Variants in CDH13 observed in about 807,000 individuals in gnomAD.
The protein encoded by CDH13 is cadherin-13.
Under a neutral mutation model 63.8 loss-of-function variants are expected in CDH13, and 24 were observed. That is an observed-to-expected ratio of 0.38 (90% confidence interval 0.27 to 0.53). The LOEUF is 0.53. CDH13 is among the 20% of genes least tolerant of loss of function. CDH13 has a pLI of 0.85. For synonymous variants in CDH13, 503 were observed against 355.3 expected, an observed-to-expected ratio of 1.42 and a Z score of -4.67; for missense variants, 1,049 against 903.1, an observed-to-expected ratio of 1.16 and a Z score of -2.07.
rs559000806 is a variant in CDH13 at position 83,406,003 on chromosome 16, G to A, written c.781+60997G>A. Among the ~76,000 whole-genome samples, 5 of 152,302 alleles carry A rather than the reference G, an allele frequency of 3.3e-5. No homozygotes were observed. In the East Asian group the frequency reaches 5.8e-4, roughly 18 times the overall value. On this transcript the variant is annotated intron_variant, in intron 6 of 13. Coordinates refer to ENST00000567109, the MANE Select transcript of CDH13 (RefSeq NM_001257.5). ...TGGATCTCGGCTGCAGCTGCATTGG[G>A]CACTCCCACCTTCTTCCAGCAGCTT... is the stretch of plus-strand genomic sequence containing the variant.
chr16:83,452,151 A>C (rs1029947405), intron 6 of CDH13, among the ~76,000 whole-genome samples: 7 of 152,174 alleles, frequency 4.6e-5, no homozygotes, highest in African/African-American at 1.7e-4. Context: ...TAATCTCAAG[A>C]CTGGAGAGAG....
chr16:83,251,669 G>A (rs1461028331), intron 5 of CDH13, among the ~76,000 whole-genome samples: 2 of 152,210 alleles, frequency 1.3e-5, no homozygotes, highest in Non-Finnish European at 2.9e-5. Flanking sequence ...CATTGGCGTA[G>A]GCCTTCGTTG....
Position 83,746,052 on chromosome 16 carries a change from A to G in CDH13, c.1539-2056A>G, listed in dbSNP as rs543282935. ...GCGTAGCTGTTGGTTTGTGCCTCAGAGTCCTCATCTGTAAGTGGGGATATT... is the reference window on the plus strand; with the variant it reads ...GCGTAGCTGTTGGTTTGTGCCTCAGGGTCCTCATCTGTAAGTGGGGATATT... On this transcript the variant is annotated intron_variant, in intron 10 of 13. Coordinates refer to ENST00000567109, the MANE Select transcript of CDH13 (RefSeq NM_001257.5). Among the ~76,000 whole-genome samples the G allele has an allele frequency of 3.3e-5, 5 of 152,326 alleles. No individual in the cohort carries two copies. In the South Asian group the frequency reaches 6.2e-4, roughly 19 times the overall value.
intron 5 of CDH13, among the ~76,000 whole-genome samples, chr16:83,311,501 G>C (rs1281058328): frequency 1.3e-5 from 2 of 152,130 alleles, no homozygotes; most frequent in Non-Finnish European, 2.9e-5. Context: ...TACTGAATCT[G>C]CATGTGGATT....
At chr16:83,411,587 C>G (rs1458168168) in intron 6 of CDH13, among the ~76,000 whole-genome samples, 2 of 152,168 alleles carry the variant, frequency 1.3e-5, no homozygotes, top group African/African-American at 4.8e-5. Flanking sequence ...ATTCATTTGG[C>G]ACACAGCACA....
At chr16:83,327,178 A>C (rs79131725) in intron 5 of CDH13, among the ~76,000 whole-genome samples, 1 of 152,164 alleles carries the variant, frequency 6.6e-6, no homozygotes, top group Non-Finnish European at 1.5e-5. Flanking sequence ...CTTCATTTAC[A>C]TATGCTTATT....
At chr16:83,519,039 T>A (rs2074767936) in intron 7 of CDH13, among the ~76,000 whole-genome samples, 1 of 152,208 alleles carries the variant, frequency 6.6e-6, no homozygotes, top group Non-Finnish European at 1.5e-5. Flanking sequence ...CCTAGGCACC[T>A]GGTTCTCAGA....
intron 4 of CDH13, among the ~76,000 whole-genome samples, chr16:83,195,292 T>C (rs1465559901): frequency 6.6e-6 from 1 of 152,234 alleles, no homozygotes; most frequent in Non-Finnish European, 1.5e-5. Context: ...ATGTGTATTA[T>C]AGTCTGTTCT....
intron 10 of CDH13, among the ~76,000 whole-genome samples, chr16:83,743,518 C>T (rs1253903210): frequency 6.6e-6 from 1 of 151,810 alleles, no homozygotes; most frequent in Non-Finnish European, 1.5e-5. Flanking sequence ...CATCATGGGA[C>T]AAAAAAGGAA....
intron 1 of CDH13, among the ~76,000 whole-genome samples, chr16:82,674,507 A>C (rs980896131): frequency 6.6e-6 from 1 of 152,350 alleles, no homozygotes; most frequent in African/African-American, 2.4e-5. Flanking sequence ...TCAGTTAACC[A>C]CAGCAGGGGC....
At chr16:82,954,239 C>A (rs911792539) in intron 2 of CDH13, 2 of 152,156 alleles carry the variant, frequency 1.3e-5, no homozygotes, top group Middle Eastern at 6.7e-3. Context: ...ATTGCTCTTC[C>A]GACTCCTGTT....
chr16:82,834,612 G>C (rs1235669388), intron 1 of CDH13, among the ~76,000 whole-genome samples: 3 of 152,226 alleles, frequency 2.0e-5, no homozygotes, highest in Non-Finnish European at 4.4e-5. Context: ...CCTCTTAGCA[G>C]CTGACCAGCT....
At chr16:82,699,676 A>G (rs1036488817) in intron 1 of CDH13, among the ~76,000 whole-genome samples, 4 of 152,212 alleles carry the variant, frequency 2.6e-5, no homozygotes, top group African/African-American at 9.7e-5. Flanking sequence ...CACATTTTGC[A>G]TCCTTACACT....
Position 83,242,873 on chromosome 16 carries a change from C to T in CDH13, c.636+25376C>T, listed in dbSNP as rs139387570. 4.1e-3 allele frequency among the ~76,000 whole-genome samples: 618 copies of T among 152,348 alleles called. 2 individuals are homozygous for T. Among genetic ancestry groups the T allele is most frequent in the Non-Finnish European group, 6.4e-3 (436 of 68,030 alleles). Reference sequence around the variant, plus strand: ...TCCCCTGACTCAGCTGGATTCTCATCTTCTCTGGCTCAGAGGGGAGTATCA... The same window carrying T: ...TCCCCTGACTCAGCTGGATTCTCATTTTCTCTGGCTCAGAGGGGAGTATCA... On this transcript the variant is annotated intron_variant, in intron 5 of 13. Transcript: ENST00000567109.
rs147733534 is a variant in CDH13, at chr16:83,046,688, A to G, written c.366+14470A>G. Among the ~76,000 whole-genome samples the G allele has an allele frequency of 1.1e-3, 171 of 152,308 alleles. 1 individual carries two copies. Among genetic ancestry groups the G allele is most frequent in the African/African-American group, 4.0e-3 (165 of 41,564 alleles). On this transcript the variant is annotated intron_variant, in intron 3 of 13. Coordinates refer to ENST00000567109, the MANE Select transcript of CDH13 (RefSeq NM_001257.5). ...CTACAGATATTTGAGGGCTACTCAG[A>G]GGCAAAAGGGCTCAAAAAACTTCAG...
chr16:82,690,601 C>G (rs1007208491), intron 1 of CDH13, among the ~76,000 whole-genome samples: 6 of 152,098 alleles, frequency 3.9e-5, no homozygotes, highest in Non-Finnish European at 8.8e-5. Context: ...CAAAGAGACA[C>G]TTAAGAAAAA....
intron 3 of CDH13, among the ~76,000 whole-genome samples, chr16:83,032,774 A>G (rs1916487470): frequency 6.6e-6 from 1 of 152,206 alleles, no homozygotes; most frequent in Non-Finnish European, 1.5e-5. Context: ...TCCTGAAGCC[A>G]GGGCAGAGTC....
At chr16:83,014,476 G>A (rs886318467) in intron 2 of CDH13, among the ~76,000 whole-genome samples, 1 of 151,636 alleles carries the variant, frequency 6.6e-6, no homozygotes, top group Non-Finnish European at 1.5e-5. Context: ...GCTTATGCCT[G>A]TAATCTCAGC....
intron 6 of CDH13, among the ~76,000 whole-genome samples, chr16:83,477,023 A>G (rs753409680): frequency 6.6e-6 from 1 of 152,202 alleles, no homozygotes; most frequent in Non-Finnish European, 1.5e-5. Context: ...GGACAGTAAA[A>G]TGAATCATGA....
Sources: allele counts gnomAD v4.1 joint callset (sites outside exome capture counted in the v4.1 genomes callset), GRCh38; gene constraint gnomAD v4.1.1; transcripts MANE v1.5; gene names NCBI Gene and HGNC (gene_info 2026-07-23, HGNC 2026-07-21).